DCC: variants seen among roughly 807,000 people sequenced by gnomAD.
DCC encodes the protein netrin receptor DCC.
DCC carries 58 observed loss-of-function variants against 172.5 expected under a neutral mutation model. The observed-to-expected ratio is 0.34, with a 90% CI of 0.27 to 0.42. DCC has a LOEUF of 0.42. Ranked by LOEUF, DCC falls within the 10% of genes least tolerant of loss-of-function variation. The pLI is 1.00. For missense variants in DCC, 1,740 were observed against 1,791.0 expected (o/e 0.97, Z 0.51); for synonymous variants, 709 against 644.5 (o/e 1.10, Z -1.52).
intron 8 of DCC, among the ~76,000 whole-genome samples, chr18:53,177,579 A>G (rs1480556105): frequency 6.6e-6 from 1 of 152,132 alleles, no homozygotes; most frequent in Non-Finnish European, 1.5e-5. Context: ...ATTATTACAA[A>G]TGTTGATTGT....
intron 1 of DCC, among the ~76,000 whole-genome samples, chr18:52,349,508 T>C (rs1424012907): frequency 6.6e-6 from 1 of 152,242 alleles, no homozygotes; most frequent in East Asian, 1.9e-4. Flanking sequence ...GGACAATTTC[T>C]GGTTATTTTC....
chr18:52,756,752 T>C (rs2032241216), intron 2 of DCC, among the ~76,000 whole-genome samples: 2 of 152,302 alleles, frequency 1.3e-5, no homozygotes, highest in South Asian at 4.1e-4. Flanking sequence ...TATTTTCTGT[T>C]CAGCAGACAT....
intron 1 of DCC, among the ~76,000 whole-genome samples, chr18:52,347,577 A>G (rs1983933340): frequency 6.6e-6 from 1 of 152,146 alleles, no homozygotes; most frequent in East Asian, 1.9e-4. Context: ...TTCTCCCTGT[A>G]TAAAACTTCC....
intron 2 of DCC, among the ~76,000 whole-genome samples, chr18:52,808,402 C>CT (rs11382141): frequency 0.65 from 94,482 of 145,982 alleles, 31,078 homozygotes; most frequent in East Asian, 0.85. Context: ...CAAGATTTGG[C>CT]TTTTTTTTTT....
chr18:53,130,544 T>C (rs2043635954), intron 7 of DCC, among the ~76,000 whole-genome samples: 1 of 152,140 alleles, frequency 6.6e-6, no homozygotes, highest in Non-Finnish European at 1.5e-5. Context: ...ACCTATTCTC[T>C]CCTGTCCAGG....
intron 1 of DCC, among the ~76,000 whole-genome samples, chr18:52,676,055 T>C (rs754075816): frequency 1.3e-5 from 2 of 152,202 alleles, no homozygotes; most frequent in Non-Finnish European, 2.9e-5. Flanking sequence ...ATATATTCTA[T>C]TCTTCACATC....
At chr18:53,289,892 A>G (rs1231908267) in intron 12 of DCC, among the ~76,000 whole-genome samples, 1 of 152,192 alleles carries the variant, frequency 6.6e-6, no homozygotes, top group Non-Finnish European at 1.5e-5. Context: ...AAATTTTCCT[A>G]AAAATTTTCT....
chr18:53,010,234 A>G (rs9951405), intron 5 of DCC, among the ~76,000 whole-genome samples: 114,515 of 151,684 alleles, frequency 0.75, 43,574 homozygotes, highest in African/African-American at 0.83. Context: ...AGTTGATATC[A>G]CTTTGTTTCT....
At chr18:52,657,407 T>C (rs2035276698) in intron 1 of DCC, among the ~76,000 whole-genome samples, 1 of 152,094 alleles carries the variant, frequency 6.6e-6, no homozygotes, top group Non-Finnish European at 1.5e-5. Context: ...CTAGAAAGAA[T>C]TTGCTGAGGG....
At chr18:53,132,451 G>A (rs181688400) in intron 7 of DCC, among the ~76,000 whole-genome samples, 280 of 152,174 alleles carry the variant, frequency 1.8e-3, no homozygotes, top group African/African-American at 6.4e-3. Context: ...GCTGATCCAC[G>A]CTTAAGTCCT....
chr18:52,743,726 GT>G (rs1419482437), intron 1 of DCC, among the ~76,000 whole-genome samples: 2 of 152,230 alleles, frequency 1.3e-5, no homozygotes, highest in Non-Finnish European at 2.9e-5. Context: ...AATGTCGGAT[GT>G]GGAGCCTCTG....
intron 19 of DCC, among the ~76,000 whole-genome samples, 181 bp downstream of exon 19, chr18:53,403,074 G>GCACACA (rs3059148): frequency 2.7e-5 from 4 of 145,910 alleles, no homozygotes; most frequent in Admixed American, 6.9e-5. Flanking sequence ...TTCTAATGGT[G>GCACACA]CACACACACA....
At chr18:52,694,472 T>C (rs946425310) in intron 1 of DCC, among the ~76,000 whole-genome samples, 1 of 152,128 alleles carries the variant, frequency 6.6e-6, no homozygotes, top group Non-Finnish European at 1.5e-5. Flanking sequence ...TCCCTTCCGG[T>C]ATAGGATTCC....
At chr18:53,011,011 A>G (rs1435121865) in intron 5 of DCC, among the ~76,000 whole-genome samples, 2 of 151,360 alleles carry the variant, frequency 1.3e-5, no homozygotes, top group South Asian at 2.1e-4. Context: ...TAGCACTTAC[A>G]TTACAAATGC....
At chr18:53,507,096 T>TGAAA (rs1476902906) in intron 27 of DCC, among the ~76,000 whole-genome samples, 3 of 152,098 alleles carry the variant, frequency 2.0e-5, no homozygotes, top group East Asian at 1.9e-4. Context: ...TTTTGTTTTG[T>TGAAA]GAAAGACTAT....
chr18:53,206,256 CCACATATATGTATTATAACACAT>C (rs1272130191), intron 10 of DCC, among the ~76,000 whole-genome samples: 2 of 132,396 alleles, frequency 1.5e-5, no homozygotes. Flanking sequence ...TACATATATA[CCACATATATGTATTATAACACAT>C]ATATACCACA....
At chr18:52,554,815 T>C (rs1260184521) in intron 1 of DCC, among the ~76,000 whole-genome samples, 3 of 151,964 alleles carry the variant, frequency 2.0e-5, no homozygotes, top group Non-Finnish European at 1.5e-5. Flanking sequence ...ATTTAAGAAA[T>C]GTGTATAAGA....
chr18:53,222,372 T>TTTTC (rs1225175463), intron 12 of DCC, among the ~76,000 whole-genome samples: 8 of 106,574 alleles, frequency 7.5e-5, no homozygotes, highest in African/African-American at 4.3e-4. Context: ...TCTTTTTTCT[T>TTTTC]TTTCTTTTTT....
At chr18:53,475,630 G>T (rs1413469596) in intron 25 of DCC, among the ~76,000 whole-genome samples, 1 of 152,220 alleles carries the variant, frequency 6.6e-6, no homozygotes, top group East Asian at 1.9e-4. Flanking sequence ...GATTTCAGAG[G>T]ATATATGGAA....
Sources: gnomAD v4.1 joint callset for allele counts (sites outside exome capture counted in the v4.1 genomes callset) on GRCh38, gnomAD v4.1.1 for gene constraint, MANE v1.5 for transcripts, NCBI Gene and HGNC (gene_info 2026-07-23, HGNC 2026-07-21) for gene names.